The following LRP8 variants were observed in gnomAD, a reference collection of about 807,000 sequenced individuals.
The protein encoded by LRP8 is low-density lipoprotein receptor-related protein 8.
LRP8 carries 46 observed loss-of-function variants against 111.6 expected under a neutral mutation model. The ratio of observed to expected loss-of-function variants is 0.41; its 90% CI spans 0.33 to 0.53. LRP8 has a LOEUF of 0.53. Ranked by LOEUF, LRP8 falls within the 20% of genes least tolerant of loss-of-function variation. The probability of loss-of-function intolerance (pLI) is 0.20; values close to 1 mark genes in which losing one functional copy is unlikely to be tolerated. For missense variants in LRP8, 959 were observed against 1,297.4 expected, an observed-to-expected ratio of 0.74 and a Z score of 4.01; for synonymous variants, 464 against 511.2, an observed-to-expected ratio of 0.91 and a Z score of 1.24.
chr1:53,326,771 C>T, intron 2 of LRP8, 102 bp downstream of exon 2: 1 of 1,494,698 alleles, frequency 6.7e-7, no homozygotes, highest in South Asian at 1.3e-5. Context: ...AAGTCCCGCG[C>T]AGGTGGCAGC....
chr1:53,310,669 A>C (rs1288484), intron 2 of LRP8, among the ~76,000 whole-genome samples: 1 of 151,914 alleles, frequency 6.6e-6, no homozygotes, highest in East Asian at 1.9e-4. Context: ...CCCTGTGGCA[A>C]GCCTGGGAGC....
At chr1:53,296,469 C>T (rs1649738644) in intron 2 of LRP8, among the ~76,000 whole-genome samples, 1 of 152,216 alleles carries the variant, frequency 6.6e-6, no homozygotes, top group Non-Finnish European at 1.5e-5. Flanking sequence ...GCCACTTGTA[C>T]CCGGGTCGGG....
chr1:53,326,919 G>A lies in LRP8; in HGVS notation c.198C>T (p.Cys66=), dbSNP rs373453608. The change falls in exon 2 of 19, where the codon TGC becomes TGT. Residue 66 remains cysteine (C), a synonymous_variant. Transcript: ENST00000306052. The part of the protein sequence containing the change: ...NERCIPSVWR[C]DEDDDCLDHS... ...GGTCTAAGCAGTCATCGTCCTCGTC[G>A]CATCTCCACACAGAGGGGATGCAGC... 2.5e-6 allele frequency: 4 copies of A among 1,613,762 alleles called. No homozygotes were observed. The African/African-American group carries it at 5.3e-5, about 22-fold the overall frequency.
chr1:53,327,310 TCC>T (rs951709088), intron 1 of LRP8: 44 of 298,692 alleles, frequency 1.5e-4, no homozygotes, highest in African/African-American at 8.8e-4. Flanking sequence ...CCATAGGGAG[TCC>T]CCGCGCCCGC....
chr1:53,276,346 G>A (rs1411970787), intron 5 of LRP8, among the ~76,000 whole-genome samples: 9 of 149,168 alleles, frequency 6.0e-5, no homozygotes, highest in Non-Finnish European at 1.3e-4. Context: ...AGGCCTTGAG[G>A]AATGAGCAGG....
At chr1:53,271,387 G>A (rs1448856402) in intron 6 of LRP8, 41 bp from the exon 7 acceptor site, 2 of 1,613,228 alleles carry the variant, frequency 1.2e-6, no homozygotes, top group Non-Finnish European at 1.7e-6. Context: ...AGGAGCCCAG[G>A]AGGAGTGGGG....
chr1:53,282,961 G>A (rs1647163284), intron 3 of LRP8, among the ~76,000 whole-genome samples: 1 of 152,162 alleles, frequency 6.6e-6, no homozygotes, highest in African/African-American at 2.4e-5. Flanking sequence ...AGGGGGAGGG[G>A]AGTCCCAGTT....
chr1:53,299,510 G>A (rs1209732812), intron 2 of LRP8, among the ~76,000 whole-genome samples: 2 of 152,172 alleles, frequency 1.3e-5, no homozygotes, highest in African/African-American at 2.4e-5. Flanking sequence ...TCTGTGCTGG[G>A]CTCTGGGCTC....
rs764027862 is a variant in LRP8 at position 53,327,839 on chromosome 1, T to TGCA, written c.71_73dup (p.Leu24dup). The TGCA allele has an allele frequency of 5.5e-3, 8,190 of 1,482,928 alleles. 9 individuals are homozygous for TGCA. Among genetic ancestry groups the TGCA allele is most frequent in the East Asian group, 6.7e-3 (240 of 36,056 alleles). The allele number at this position is 1,482,928 out of a possible 1,614,324, so 91.9% of individuals were successfully genotyped here. ...CGCTGCCGCCGCAAGATGCTGGAGC[T>TGCA]GCAGCAGCAGCAGCAGCAGCAGCAG... On this transcript the variant is annotated inframe_insertion, in exon 1 of 19. Coordinates refer to ENST00000306052, the MANE Select transcript of LRP8 (RefSeq NM_004631.5).
chr1:53,297,523 G>T (rs962005771), intron 2 of LRP8, among the ~76,000 whole-genome samples: 8 of 152,210 alleles, frequency 5.3e-5, no homozygotes, highest in African/African-American at 1.9e-4. Flanking sequence ...TCATCCATCA[G>T]CAGGCGACAT....
rs895874415 is a variant in LRP8 at position 53,303,710 on chromosome 1, C to G, written c.245-14021G>C. Reference sequence around the variant, plus strand: ...GAACAAAACCCTAGAAGCTTCTAATCTAATCCAGGCACCAGGAGTGGCAAA... The same window carrying G: ...GAACAAAACCCTAGAAGCTTCTAATGTAATCCAGGCACCAGGAGTGGCAAA... On this transcript the variant is annotated intron_variant, in intron 2 of 18. Transcript: ENST00000306052. The surrounding 1 kb of genome is among the most constrained non-coding windows in gnomAD (Gnocchi z 4.3). 6.6e-6 allele frequency among the ~76,000 whole-genome samples: 1 copy of G among 152,228 alleles called. No individual in the cohort carries two copies. The highest frequency in any genetic ancestry group is 2.4e-5 in the African/African-American group (1 of 41,462).
chr1:53,279,594 T>TCTGGACGA lies in LRP8; in HGVS notation c.496+992_496+993insTCGTCCAG, dbSNP rs764804331. Among the ~76,000 whole-genome samples the TCTGGACGA allele has an allele frequency of 4.6e-5, 7 of 152,130 alleles. No homozygotes were observed. The highest frequency in any genetic ancestry group is 7.2e-5 in the African/African-American group (3 of 41,428). ...GACACATCAAATTCCAGACTTAGAA[T>TCTGGACGA]CTTAAAGTGTGACGACTCAGACACC... is the stretch of plus-strand genomic sequence containing the variant. On this transcript the variant is annotated intron_variant, in intron 4 of 18. Coordinates refer to ENST00000306052, the MANE Select transcript of LRP8 (RefSeq NM_004631.5). This position sits in a 1 kb window ranked among gnomAD's most constrained non-coding sequence, Gnocchi z 4.4.
chr1:53,275,263 G>A lies in LRP8; in HGVS notation c.1006+368C>T, dbSNP rs1646882110. 6.6e-6 allele frequency among the ~76,000 whole-genome samples: 1 copy of A among 152,198 alleles called. No homozygotes were observed. The highest frequency in any genetic ancestry group is 2.4e-5 in the African/African-American group (1 of 41,446). Reference sequence around the variant, plus strand: ...TCCTGCAGAGGGCAGGTGGTGACCAGAAGAACCATCTGAGAACTAAAGGGG... The same window carrying A: ...TCCTGCAGAGGGCAGGTGGTGACCAAAAGAACCATCTGAGAACTAAAGGGG... On this transcript the variant is annotated intron_variant, in intron 6 of 18. Transcript: ENST00000306052. The surrounding 1 kb of genome is among the most constrained non-coding windows in gnomAD (Gnocchi z 4.4).
intron 2 of LRP8, among the ~76,000 whole-genome samples, chr1:53,323,007 G>T (rs556618734): frequency 2.0e-5 from 3 of 152,146 alleles, no homozygotes; most frequent in Non-Finnish European, 2.9e-5. Context: ...GAACAAAGTC[G>T]AGGTCAGTGA....
rs143237642 is a variant in LRP8, at chr1:53,257,332, G to C, written c.2342C>G (p.Thr781Arg). The C allele has an allele frequency of 1.2e-6, 2 of 1,614,070 alleles. No homozygotes were observed. The highest frequency in any genetic ancestry group is 1.7e-6 in the Non-Finnish European group (2 of 1,180,044). ...QNHSTETPSL[T>R]AAVPSSVSVP... ...ACTAACTGAGCTTGGGACTGCAGCTGTCAGGCTTGGTGTCTCTGTGCTGTG... is the reference window on the plus strand; with the variant it reads ...ACTAACTGAGCTTGGGACTGCAGCTCTCAGGCTTGGTGTCTCTGTGCTGTG... The change falls in exon 15 of 19, where the codon ACA becomes AGA. Residue 781 changes from threonine to arginine, a missense_variant. By Grantham distance (71) the Thr-to-Arg change is moderately conservative (BLOSUM62 -1). Coordinates refer to ENST00000306052, the MANE Select transcript of LRP8 (RefSeq NM_004631.5).
intron 2 of LRP8, among the ~76,000 whole-genome samples, chr1:53,325,959 C>A (rs1413076062): frequency 6.6e-6 from 1 of 152,256 alleles, no homozygotes; most frequent in Non-Finnish European, 1.5e-5. Flanking sequence ...AACTAGCTCC[C>A]GGTCCCGCAG....
At chr1:53,285,940 G>A (rs988176627) in intron 3 of LRP8, among the ~76,000 whole-genome samples, 2 of 152,202 alleles carry the variant, frequency 1.3e-5, no homozygotes, top group African/African-American at 2.4e-5. Context: ...GTGGCTCACG[G>A]CATTTAAAGG....
rs1234376158 is a variant in LRP8, at chr1:53,250,623, GAGGGGAAGAAAGGATGGA to G, written c.2676+49_2676+66del. 2 of 1,390,308 alleles carry G rather than the reference GAGGGGAAGAAAGGATGGA, an allele frequency of 1.4e-6. No individual in the cohort carries two copies. The highest frequency in any genetic ancestry group is 2.0e-6 in the Non-Finnish European group (2 of 991,192). 86.1% of individuals were successfully genotyped at this position (1,390,308 alleles called of 1,614,324 possible). On this transcript the variant is annotated intron_variant, in intron 17 of 18. Coordinates refer to ENST00000306052, the MANE Select transcript of LRP8 (RefSeq NM_004631.5). This position sits in a 1 kb window ranked among gnomAD's most constrained non-coding sequence, Gnocchi z 4.6. ...AAGGATGGGAAGGAAGAAAGGATGG[GAGGGGAAGAAAGGATGGA>G]AGGGAAGATGGTCGGAAGGTAGGAA...
At chr1:53,271,842 T>C (rs905374231) in intron 6 of LRP8, among the ~76,000 whole-genome samples, 1 of 151,966 alleles carries the variant, frequency 6.6e-6, no homozygotes, top group African/African-American at 2.4e-5. Context: ...GGCAGCTGGC[T>C]CCACTGTGGA....
Sources: gnomAD v4.1 joint callset for allele counts (sites outside exome capture counted in the v4.1 genomes callset) on GRCh38, gnomAD v4.1.1 for gene constraint, Gnocchi (gnomAD v3.1) non-coding constraint, MANE v1.5 for transcripts, NCBI Gene and HGNC (gene_info 2026-07-23, HGNC 2026-07-21) for gene names.